The following BRAF variants were observed in gnomAD, a reference collection of about 807,000 sequenced individuals.
BRAF encodes the protein serine/threonine-protein kinase B-raf.
Under a neutral mutation model 104.6 loss-of-function variants are expected in BRAF, and 16 were observed. The ratio of observed to expected loss-of-function variants is 0.15; its 90% CI spans 0.10 to 0.23. BRAF has a LOEUF of 0.23. Ranked by LOEUF, BRAF falls within the 10% of genes least tolerant of loss-of-function variation. BRAF has a pLI of 1.00. For missense variants in BRAF, 541 were observed against 937.3 expected (o/e 0.58, Z 5.52); for synonymous variants, 310 against 341.6 (o/e 0.91, Z 1.02).
chr7:140,789,960 C>A (rs1801786062), intron 8 of BRAF, among the ~76,000 whole-genome samples: 2 of 152,184 alleles, frequency 1.3e-5, no homozygotes. Flanking sequence ...GAACTCCTGA[C>A]CTCAGGCGAT....
chr7:140,814,792 C>CAT (rs563742409), intron 3 of BRAF, among the ~76,000 whole-genome samples: 6 of 137,898 alleles, frequency 4.4e-5, no homozygotes, highest in African/African-American at 8.1e-5. Flanking sequence ...TTATATATAA[C>CAT]ATATATATAT....
chr7:140,722,959 TGA>T lies in BRAF; in HGVS notation c.*3533_*3534del. 1.9e-6 allele frequency: 2 copies of T among 1,054,644 alleles called. No individual in the cohort carries two copies. Among genetic ancestry groups the T allele is most frequent in the Non-Finnish European group, 2.3e-6 (2 of 872,714 alleles). The allele number at this position is 1,054,644 out of a possible 1,614,324, so 65.3% of individuals were successfully genotyped here. ...ATGTATAATGCCCTTTAGGACAAAA[TGA>T]GAGTGCTCAAATACAAGTACACAAA... On this transcript the variant is annotated 3_prime_UTR_variant, in exon 20 of 20. Coordinates refer to ENST00000644969, the MANE Select transcript of BRAF (RefSeq NM_001374258.1).
At chr7:140,744,688 T>G (rs1369095405) in intron 17 of BRAF, among the ~76,000 whole-genome samples, 1 of 152,196 alleles carries the variant, frequency 6.6e-6, no homozygotes, top group Non-Finnish European at 1.5e-5. Flanking sequence ...TCTTAGTATC[T>G]AGTGTCCTAA....
intron 1 of BRAF, among the ~76,000 whole-genome samples, chr7:140,920,886 G>T (rs935507975): frequency 6.6e-6 from 1 of 152,174 alleles, no homozygotes; most frequent in African/African-American, 2.4e-5. Flanking sequence ...AGTATTAACA[G>T]CAATAGCCAA....
Position 140,724,572 on chromosome 7 carries a change from GACA to G in BRAF, c.*1919_*1921del, listed in dbSNP as rs1795497731. On this transcript the variant is annotated 3_prime_UTR_variant, in exon 20 of 20. Transcript: ENST00000644969. ...TTAAGGATCTTTTCCATTTTACTAG[GACA>G]ACCTTTTACAAGACAATGAAAATTT... 9.6e-7 allele frequency: 1 copy of G among 1,041,034 alleles called. No individual in the cohort carries two copies. Among genetic ancestry groups the G allele is most frequent in the African/African-American group, 1.7e-5 (1 of 59,690 alleles). The allele number at this position is 1,041,034 out of a possible 1,614,324, so 64.5% of individuals were successfully genotyped here.
At chr7:140,773,364 T>G (rs1038129166) in intron 14 of BRAF, 2 of 152,194 alleles carry the variant, frequency 1.3e-5, no homozygotes, top group African/African-American at 4.8e-5. Flanking sequence ...TTTGGGTCTT[T>G]CCTCTTGAGC....
At chr7:140,841,157 G>C (rs921380738) in intron 2 of BRAF, among the ~76,000 whole-genome samples, 2 of 152,088 alleles carry the variant, frequency 1.3e-5, no homozygotes, top group East Asian at 3.8e-4. Context: ...TTAGTCATTA[G>C]GAAACTGCAA....
downstream of BRAF, among the ~76,000 whole-genome samples, chr7:140,718,248 C>T (rs940135035): frequency 9.9e-5 from 15 of 151,950 alleles, no homozygotes; most frequent in Non-Finnish European, 1.9e-4. Context: ...GTGCTGGCCA[C>T]CATGCCCAGC....
chr7:140,848,214 G>A (rs983261978), intron 2 of BRAF, among the ~76,000 whole-genome samples: 4 of 152,156 alleles, frequency 2.6e-5, no homozygotes, highest in Admixed American at 2.0e-4. Context: ...GGGAAAGAGC[G>A]AGACAATGTC....
Position 140,924,587 on chromosome 7 carries a change from C to G in BRAF, c.117G>C (p.Ala39=), listed in dbSNP as rs754027891. The change falls in exon 1 of 20, where the codon GCG becomes GCC. Residue 39 remains alanine (A), a synonymous_variant. Transcript: ENST00000644969. This position sits in a 1 kb window ranked among gnomAD's most constrained non-coding sequence, Gnocchi z 4.2. ...AGAGAAASSA[A]DPAIPEEVWN... ...TCACCTCCTCCGGAATGGCAGGGTC[C>G]GCAGCCGAAGAGGCCGCGGCGCCGG... The G allele has an allele frequency of 3.9e-6, 6 of 1,530,936 alleles. No individual in the cohort carries two copies. In the South Asian group the frequency reaches 7.2e-5, roughly 18 times the overall value. The allele number at this position is 1,530,936 out of a possible 1,614,324, so 94.8% of individuals were successfully genotyped here. A position where few individuals can be genotyped will look rare whatever the true frequency, so the allele number is the denominator to read the frequency against.
Position 140,723,094 on chromosome 7 carries a change from G to A in BRAF, c.*3400C>T, listed in dbSNP as rs2130823243. ...TTCTGAAGAGGTAGTTTTTTGTAGAGGTCACCTGAACCCTGCAATGTGGTT... is the reference window on the plus strand; with the variant it reads ...TTCTGAAGAGGTAGTTTTTTGTAGAAGTCACCTGAACCCTGCAATGTGGTT... On this transcript the variant is annotated 3_prime_UTR_variant, in exon 20 of 20. Coordinates refer to ENST00000644969, the MANE Select transcript of BRAF (RefSeq NM_001374258.1). The A allele has an allele frequency of 9.5e-7, 1 of 1,051,094 alleles. No homozygotes were observed. Among genetic ancestry groups the A allele is most frequent in the African/African-American group, 1.7e-5 (1 of 60,328 alleles). 65.1% of individuals were successfully genotyped at this position (1,051,094 alleles called of 1,614,324 possible). A position where few individuals can be genotyped will look rare whatever the true frequency, so the allele number is the denominator to read the frequency against.
intron 1 of BRAF, among the ~76,000 whole-genome samples, chr7:140,875,896 G>A (rs890364583): frequency 3.9e-5 from 6 of 152,200 alleles, no homozygotes; most frequent in African/African-American, 1.4e-4. Flanking sequence ...AGATAAATGG[G>A]AACTAAGAGA....
chr7:140,759,503 C>T (rs1355397494), intron 14 of BRAF, among the ~76,000 whole-genome samples: 2 of 152,232 alleles, frequency 1.3e-5, no homozygotes, highest in Non-Finnish European at 2.9e-5. Context: ...TCTCCCGCCT[C>T]AGCCTCCCAA....
rs1172609307 is a variant in BRAF at position 140,719,743 on chromosome 7, T to C, written c.*6751A>G. The C allele has an allele frequency of 9.4e-7, 1 of 1,062,438 alleles. No individual in the cohort carries two copies. Among genetic ancestry groups the C allele is most frequent in the Non-Finnish European group, 1.1e-6 (1 of 877,658 alleles). 65.8% of individuals were successfully genotyped at this position (1,062,438 alleles called of 1,614,324 possible). On this transcript the variant is annotated 3_prime_UTR_variant, in exon 20 of 20. Transcript: ENST00000644969. ...AAAAATAAGCTTTAAAAATAGTTAC[T>C]CCATTGTAATTTTTGCAAAGCAGGT...
intron 2 of BRAF, chr7:140,836,050 G>A (rs920725161): frequency 3.3e-5 from 5 of 152,130 alleles, no homozygotes; most frequent in Non-Finnish European, 7.4e-5. Context: ...TTAGATGGAT[G>A]AAGAAAGTAG....
intron 1 of BRAF, among the ~76,000 whole-genome samples, chr7:140,876,822 A>G (rs1370439999): frequency 2.0e-5 from 3 of 152,190 alleles, no homozygotes; most frequent in Non-Finnish European, 2.9e-5. Flanking sequence ...ATAACATTCT[A>G]CTTAACAGCT....
intron 1 of BRAF, among the ~76,000 whole-genome samples, chr7:140,871,106 G>T (rs1213117227): frequency 6.6e-6 from 1 of 150,664 alleles, no homozygotes; most frequent in Non-Finnish European, 1.5e-5. Flanking sequence ...GCTGGGCATG[G>T]TGACACGTGC....
At chr7:140,871,659 T>A (rs1351436789) in intron 1 of BRAF, among the ~76,000 whole-genome samples, 1 of 152,170 alleles carries the variant, frequency 6.6e-6, no homozygotes, top group African/African-American at 2.4e-5. Context: ...AACTAAGGCA[T>A]CAGAATTATT....
intron 10 of BRAF, among the ~76,000 whole-genome samples, chr7:140,783,872 G>A (rs984453686): frequency 1.3e-5 from 2 of 152,218 alleles, no homozygotes; most frequent in East Asian, 3.8e-4. Flanking sequence ...TTAAGTAAGC[G>A]CTATGGCCTC....
Sources: allele counts gnomAD v4.1 joint callset (sites outside exome capture counted in the v4.1 genomes callset), GRCh38; gene constraint gnomAD v4.1.1; non-coding constraint Gnocchi (gnomAD v3.1); transcripts MANE v1.5; gene names NCBI Gene and HGNC (gene_info 2026-07-23, HGNC 2026-07-21).